The following NTN1 variants were observed in gnomAD, a reference collection of about 807,000 sequenced individuals.
NTN1 encodes netrin 1, also known as netrin-1.
A neutral mutation model predicts 54.2 loss-of-function variants in NTN1; 11 were observed. That is an observed-to-expected ratio of 0.20 (90% CI 0.13 to 0.34). The LOEUF is 0.34. NTN1 is among the 10% of genes least tolerant of loss of function. The pLI is 1.00. For missense variants in NTN1, 740 were observed against 893.1 expected, an observed-to-expected ratio of 0.83 and a Z score of 2.18; for synonymous variants, 371 against 382.0, an observed-to-expected ratio of 0.97 and a Z score of 0.33.
intron 5 of NTN1, among the ~76,000 whole-genome samples, chr17:9,191,040 C>A (rs1253156910): frequency 6.6e-6 from 1 of 152,120 alleles, no homozygotes; most frequent in South Asian, 2.1e-4. Flanking sequence ...GATTTATATA[C>A]CTTCAGCATA....
intron 2 of NTN1, among the ~76,000 whole-genome samples, chr17:9,057,548 C>T (rs950592563): frequency 2.0e-5 from 3 of 152,086 alleles, no homozygotes; most frequent in Non-Finnish European, 2.9e-5. Flanking sequence ...TTCATCTCCC[C>T]GTTTTCATTG....
At chr17:9,118,724 T>G (rs2092222866) in intron 2 of NTN1, among the ~76,000 whole-genome samples, 1 of 151,880 alleles carries the variant, frequency 6.6e-6, no homozygotes, top group Non-Finnish European at 1.5e-5. Flanking sequence ...AGGCATTTCA[T>G]AGAAATGAAA....
intron 2 of NTN1, among the ~76,000 whole-genome samples, chr17:9,112,650 C>A (rs1461202806): frequency 3.3e-5 from 5 of 150,698 alleles, no homozygotes; most frequent in Non-Finnish European, 5.9e-5. Context: ...ATGGTGAAAC[C>A]CCGTCTTTAC....
intron 2 of NTN1, among the ~76,000 whole-genome samples, chr17:9,078,879 G>GC (rs1466110181): frequency 6.6e-6 from 1 of 152,226 alleles, no homozygotes; most frequent in Non-Finnish European, 1.5e-5. Flanking sequence ...ACAGAGTTCA[G>GC]CCCCCTTTCT....
intron 2 of NTN1, among the ~76,000 whole-genome samples, chr17:9,033,386 G>A (rs1255375840): frequency 6.6e-6 from 1 of 152,194 alleles, no homozygotes; most frequent in Non-Finnish European, 1.5e-5. Context: ...GAGGTTGTTT[G>A]TTTGTTTGTT....
At chr17:9,214,833 C>A (rs952864029) in intron 5 of NTN1, among the ~76,000 whole-genome samples, 4 of 152,126 alleles carry the variant, frequency 2.6e-5, no homozygotes, top group Admixed American at 2.6e-4. Context: ...AAAAGAAAAT[C>A]ATTTTATTTG....
At chr17:9,063,551 AAGTTTTTTTTTTTTTGGTGACAG>A (rs1383378722) in intron 2 of NTN1, among the ~76,000 whole-genome samples, 1 of 150,500 alleles carries the variant, frequency 6.6e-6, no homozygotes, top group Non-Finnish European at 1.5e-5. Flanking sequence ...TAGCAGAGCA[AAGTTTTTTTTTTTTTGGTGACAG>A]AGTCTTGCTG....
chr17:9,105,056 A>G (rs539653061), intron 2 of NTN1, among the ~76,000 whole-genome samples: 4 of 152,152 alleles, frequency 2.6e-5, no homozygotes, highest in African/African-American at 9.6e-5. Context: ...CCCGTGAGAG[A>G]CCCGGCAGTC....
intron 5 of NTN1, among the ~76,000 whole-genome samples, chr17:9,184,243 G>A (rs1453027749): frequency 6.6e-6 from 1 of 152,200 alleles, no homozygotes; most frequent in Non-Finnish European, 1.5e-5. Flanking sequence ...GCAGCTCTGG[G>A]AAAGCCAAAG....
At chr17:9,009,551 T>C in the NTN1 span, among the ~76,000 whole-genome samples, 4 of 152,214 alleles carry the variant, frequency 2.6e-5, no homozygotes, top group African/African-American at 9.7e-5. Flanking sequence ...TTAACCATTC[T>C]GTTTGGAATC....
At chr17:9,042,472 G>A (rs939720733) in intron 2 of NTN1, among the ~76,000 whole-genome samples, 2 of 143,496 alleles carry the variant, frequency 1.4e-5, no homozygotes, top group South Asian at 4.6e-4. Flanking sequence ...CCACAACATA[G>A]TGAGACTCTG....
intron 2 of NTN1, among the ~76,000 whole-genome samples, chr17:9,076,005 A>T (rs1050290671): frequency 1.2e-4 from 19 of 152,240 alleles, no homozygotes; most frequent in Admixed American, 1.2e-3. Context: ...AGGTGAGGCC[A>T]CTGAATCCTG....
rs1215645961 is a variant in NTN1 at position 9,243,514 on chromosome 17, A to AG, written c.*3547dup. 6.6e-6 allele frequency: 1 copy of AG among 152,230 alleles called. No individual in the cohort carries two copies. Among genetic ancestry groups the AG allele is most frequent in the African/African-American group, 2.4e-5 (1 of 41,456 alleles). The allele number at this position is 152,230 out of a possible 1,614,324, so 9.4% of individuals were successfully genotyped here. A position where few individuals can be genotyped will look rare whatever the true frequency, so the allele number is the denominator to read the frequency against. On this transcript the variant is annotated 3_prime_UTR_variant, in exon 7 of 7. Transcript: ENST00000173229. Reference sequence around the variant, plus strand: ...AGTCCCCTTGAAGCCCAGAGTGGACAGACTAGACCCATTGATGGGGCCACT... The same window carrying AG: ...AGTCCCCTTGAAGCCCAGAGTGGACAGGACTAGACCCATTGATGGGGCCACT...
chr17:9,050,371 A>T (rs1044683344), intron 2 of NTN1, among the ~76,000 whole-genome samples: 3 of 151,916 alleles, frequency 2.0e-5, no homozygotes, highest in African/African-American at 7.3e-5. Context: ...CTTTGGAATC[A>T]TACAAACCCT....
chr17:9,166,186 C>T lies in NTN1; in HGVS notation c.1207+3185C>T, dbSNP rs554458911. On this transcript the variant is annotated intron_variant, in intron 3 of 6. Transcript: ENST00000173229. ...ACCACCACCACCACCACCACCACCA[C>T]CACCACCACCACCACCACCACCAGC... 3.1e-4 allele frequency among the ~76,000 whole-genome samples: 43 copies of T among 139,636 alleles called. 4 individuals are homozygous for T. In the East Asian group the frequency reaches 5.4e-3, roughly 17 times the overall value. 91.6% of individuals were successfully genotyped at this position (139,636 alleles called of 152,430 possible). A position where few individuals can be genotyped will look rare whatever the true frequency, so the allele number is the denominator to read the frequency against.
At chr17:9,186,793 A>G (rs1221429566) in intron 5 of NTN1, among the ~76,000 whole-genome samples, 2 of 152,218 alleles carry the variant, frequency 1.3e-5, no homozygotes, top group Admixed American at 1.3e-4. Flanking sequence ...AGTTGGGTTT[A>G]TGTAGACCTG....
At chr17:9,104,580 A>G (rs2092159996) in intron 2 of NTN1, among the ~76,000 whole-genome samples, 1 of 152,166 alleles carries the variant, frequency 6.6e-6, no homozygotes, top group Admixed American at 6.5e-5. Context: ...CCTTGGAGGT[A>G]GCAATAGGGT....
intron 6 of NTN1, among the ~76,000 whole-genome samples, chr17:9,231,032 A>G (rs1255786115): frequency 6.6e-6 from 1 of 152,038 alleles, no homozygotes; most frequent in Admixed American, 6.5e-5. Flanking sequence ...CCAGGCGGGA[A>G]AGGCTAGTCT....
chr17:9,155,173 C>G (rs547835385), intron 2 of NTN1, among the ~76,000 whole-genome samples: 1 of 152,268 alleles, frequency 6.6e-6, no homozygotes, highest in African/African-American at 2.4e-5. Context: ...GAAAACAGTG[C>G]AATTACTAGA....
Sources: gnomAD v4.1 joint callset for allele counts (sites outside exome capture counted in the v4.1 genomes callset) on GRCh38, gnomAD v4.1.1 for gene constraint, MANE v1.5 for transcripts, NCBI Gene and HGNC (gene_info 2026-07-23, HGNC 2026-07-21) for gene names.